The following TEKT5 variants were observed in gnomAD, a reference collection of about 807,000 sequenced individuals.
The protein encoded by TEKT5 is tektin 5.
In TEKT5, 52 loss-of-function variants were observed where a neutral mutation model predicts 48.7. The ratio of observed to expected loss-of-function variants is 1.07; its 90% CI spans 0.86 to 1.35. The LOEUF (loss-of-function observed/expected upper bound fraction) is 1.35. Among genes scored for constraint, TEKT5 ranks in the 40% most tolerant of loss-of-function variants. TEKT5 has a pLI of 0.00. For synonymous variants in TEKT5, 318 were observed against 267.6 expected, an observed-to-expected ratio of 1.19 and a Z score of -1.84; for missense variants, 831 against 641.6, an observed-to-expected ratio of 1.30 and a Z score of -3.19.
chr16:10,687,589 C>A (rs909081352), intron 3 of TEKT5, among the ~76,000 whole-genome samples: 1 of 152,182 alleles, frequency 6.6e-6, no homozygotes, highest in South Asian at 2.1e-4. Flanking sequence ...ACTGTCTCTA[C>A]TAAAAATACA....
At chr16:10,684,790 G>C (rs1032295840) in intron 3 of TEKT5, among the ~76,000 whole-genome samples, 3 of 152,194 alleles carry the variant, frequency 2.0e-5, no homozygotes, top group Non-Finnish European at 4.4e-5. Context: ...CCAATGCCAA[G>C]CTCACCCTGC....
Position 10,652,561 on chromosome 16 carries a change from C to CA in TEKT5, c.1087-16644_1087-16643insT, listed in dbSNP as rs1567228285. ...GACATACACACACACACACACACAC[C>CA]CCCTCCAGGCCAGGTAGAATGATCC... On this transcript the variant is annotated intron_variant, in intron 5 of 6. Coordinates refer to ENST00000283025, the MANE Select transcript of TEKT5 (RefSeq NM_144674.2). 4.0e-4 allele frequency among the ~76,000 whole-genome samples: 30 copies of CA among 75,212 alleles called. 1 individual carries two copies. Among genetic ancestry groups the CA allele is most frequent in the African/African-American group, 1.1e-3 (18 of 16,816 alleles). 49.3% of individuals were successfully genotyped at this position (75,212 alleles called of 152,430 possible). A position where few individuals can be genotyped will look rare whatever the true frequency, so the allele number is the denominator to read the frequency against.
At chr16:10,629,937 T>A (rs949891616) in intron 6 of TEKT5, among the ~76,000 whole-genome samples, 13 of 152,050 alleles carry the variant, frequency 8.5e-5, no homozygotes, top group Non-Finnish European at 1.8e-4. Context: ...AGGGGAGGAC[T>A]TTTTTTCTTT....
intron 5 of TEKT5, among the ~76,000 whole-genome samples, chr16:10,667,382 G>C (rs948043242): frequency 1.3e-5 from 2 of 152,166 alleles, no homozygotes; most frequent in African/African-American, 2.4e-5. Context: ...ACCAATCACA[G>C]AATTTTAGCC....
At chr16:10,680,698 T>C (rs1898731306) in intron 4 of TEKT5, among the ~76,000 whole-genome samples, 1 of 151,812 alleles carries the variant, frequency 6.6e-6, no homozygotes, top group Admixed American at 6.6e-5. Context: ...GATGAGTTCA[T>C]GTCCTTTGTA....
chr16:10,654,250 C>T lies in TEKT5; in HGVS notation c.1087-18332G>A, dbSNP rs747174378. Among the ~76,000 whole-genome samples, 3 of 152,080 alleles carry T rather than the reference C, an allele frequency of 2.0e-5. No homozygotes were observed. In the South Asian group the frequency reaches 6.2e-4, roughly 32 times the overall value. On this transcript the variant is annotated intron_variant, in intron 5 of 6. Transcript: ENST00000283025. The stretch of plus-strand genomic sequence containing the variant: ...GTTTTTCACAGAGATGAGGTTTTCC[C>T]GCGTTGGCCAGGCTGATCTCAAACT...
chr16:10,652,836 G>GACAC (rs572998899), intron 5 of TEKT5, among the ~76,000 whole-genome samples: 314 of 19,666 alleles, frequency 0.016, 26 homozygotes, highest in African/African-American at 0.049. Context: ...TACACAGGCA[G>GACAC]ACACACACAC....
chr16:10,688,850 C>A (rs914978818), intron 3 of TEKT5, among the ~76,000 whole-genome samples: 1 of 152,196 alleles, frequency 6.6e-6, no homozygotes, highest in African/African-American at 2.4e-5. Context: ...CTAATACCAC[C>A]CACCCTCTGT....
At chr16:10,679,228 A>T (rs548464873) in intron 4 of TEKT5, among the ~76,000 whole-genome samples, 2 of 152,308 alleles carry the variant, frequency 1.3e-5, no homozygotes, top group South Asian at 2.1e-4. Flanking sequence ...CACAATGTCT[A>T]GCACATAGCA....
intron 5 of TEKT5, among the ~76,000 whole-genome samples, chr16:10,668,926 C>A (rs1335658419): frequency 6.6e-6 from 1 of 152,156 alleles, no homozygotes; most frequent in African/African-American, 2.4e-5. Flanking sequence ...ACTGGAGCAC[C>A]TGACCCAAAG....
At chr16:10,630,431 G>A (rs1897822848) in intron 6 of TEKT5, among the ~76,000 whole-genome samples, 1 of 152,010 alleles carries the variant, frequency 6.6e-6, no homozygotes, top group Admixed American at 6.6e-5. Context: ...ATAGAGATGG[G>A]GTTTATTTTT....
chr16:10,657,902 C>G (rs552565241), intron 5 of TEKT5, among the ~76,000 whole-genome samples: 39 of 152,116 alleles, frequency 2.6e-4, no homozygotes, highest in African/African-American at 9.2e-4. Context: ...GCCCGGCCTC[C>G]CCTTTCAATT....
chr16:10,660,793 T>C (rs1266069568), intron 5 of TEKT5, among the ~76,000 whole-genome samples: 1 of 151,972 alleles, frequency 6.6e-6, no homozygotes, highest in African/African-American at 2.4e-5. Context: ...CTCCACCTCC[T>C]GGGTTCAAGA....
chr16:10,682,255 C>T, intron 3 of TEKT5, 119 bp from the exon 4 acceptor site: 2 of 1,135,494 alleles, frequency 1.8e-6, no homozygotes, highest in Non-Finnish European at 1.3e-6. Context: ...AGTAGCTTCT[C>T]AGTCCTCTTC....
chr16:10,689,408 C>G lies in TEKT5; in HGVS notation c.649-85G>C, dbSNP rs1898925196. The G allele has an allele frequency of 3.3e-6, 4 of 1,215,360 alleles. No homozygotes were observed. The African/African-American group carries it at 4.6e-5, about 14-fold the overall frequency. The allele number at this position is 1,215,360 out of a possible 1,614,324, so 75.3% of individuals were successfully genotyped here. ...AGGCCAGAGCCCTCAGCTCTCCCCT[C>G]CCCTCTCACTGACCACCCTCGACCC... On this transcript the variant is annotated intron_variant, in intron 2 of 6. Coordinates refer to ENST00000283025, the MANE Select transcript of TEKT5 (RefSeq NM_144674.2).
chr16:10,676,990 A>T (rs1079017), intron 4 of TEKT5, among the ~76,000 whole-genome samples: 1 of 151,982 alleles, frequency 6.6e-6, no homozygotes, highest in Admixed American at 6.5e-5. Context: ...TCAAGACCAC[A>T]CTGGGCAATG....
chr16:10,666,706 A>G (rs548346257), intron 5 of TEKT5, among the ~76,000 whole-genome samples: 1 of 152,304 alleles, frequency 6.6e-6, no homozygotes, highest in East Asian at 1.9e-4. Flanking sequence ...CACCTTATGA[A>G]GCCAGGGATG....
At chr16:10,680,764 A>C (rs1209981582) in intron 4 of TEKT5, among the ~76,000 whole-genome samples, 1 of 149,182 alleles carries the variant, frequency 6.7e-6, no homozygotes, top group Non-Finnish European at 1.5e-5. Flanking sequence ...CAAGAACAAA[A>C]AACCAAACAC....
At chr16:10,639,213 TGGA>T (rs1897957034) in intron 5 of TEKT5, among the ~76,000 whole-genome samples, 1 of 152,036 alleles carries the variant, frequency 6.6e-6, no homozygotes, top group Non-Finnish European at 1.5e-5. Flanking sequence ...AGGCTGAGGA[TGGA>T]GAACTGTTTG....
Sources: gnomAD v4.1 joint callset for allele counts (sites outside exome capture counted in the v4.1 genomes callset) on GRCh38, gnomAD v4.1.1 for gene constraint, MANE v1.5 for transcripts, NCBI Gene and HGNC (gene_info 2026-07-23, HGNC 2026-07-21) for gene names.